Variants in PLEKHA7 observed in about 807,000 individuals in gnomAD.
PLEKHA7 encodes pleckstrin homology domain containing A7, also known as pleckstrin homology domain-containing family A member 7.
PLEKHA7 carries 104 observed loss-of-function variants against 170.0 expected under a neutral mutation model. The ratio of observed to expected loss-of-function variants is 0.61; its 90% CI spans 0.52 to 0.72. The LOEUF (loss-of-function observed/expected upper bound fraction) is 0.72, where lower values mean the gene tolerates loss of function less well. PLEKHA7 is among the 30% of genes least tolerant of loss of function. The pLI is 0.00. For synonymous variants in PLEKHA7, 648 were observed against 660.8 expected (o/e 0.98, Z 0.30); for missense variants, 1,615 against 1,671.7 (o/e 0.97, Z 0.59).
At chr11:16,960,691 G>T (rs991661124) in intron 3 of PLEKHA7, among the ~76,000 whole-genome samples, 1 of 152,110 alleles carries the variant, frequency 6.6e-6, no homozygotes, top group African/African-American at 2.4e-5. Flanking sequence ...CTCAACCCCT[G>T]GGTCCCTGCT....
chr11:16,971,362 A>AT (rs1862700420), intron 3 of PLEKHA7, among the ~76,000 whole-genome samples: 1 of 152,236 alleles, frequency 6.6e-6, no homozygotes, highest in Non-Finnish European at 1.5e-5. Context: ...TCACAGCACC[A>AT]TTTTTAATAG....
chr11:16,939,466 C>T (rs1444213281), intron 3 of PLEKHA7, among the ~76,000 whole-genome samples: 6 of 151,910 alleles, frequency 3.9e-5, no homozygotes, highest in African/African-American at 1.2e-4. Flanking sequence ...AGCTATACAA[C>T]ATAGATAAAA....
At chr11:16,968,727 A>G (rs1862529022) in intron 3 of PLEKHA7, among the ~76,000 whole-genome samples, 1 of 152,146 alleles carries the variant, frequency 6.6e-6, no homozygotes, top group Non-Finnish European at 1.5e-5. Flanking sequence ...CTCCCCCACC[A>G]CCAACAGCGC....
At chr11:16,968,338 C>A (rs1862499365) in intron 3 of PLEKHA7, among the ~76,000 whole-genome samples, 2 of 152,224 alleles carry the variant, frequency 1.3e-5, no homozygotes, top group East Asian at 3.8e-4. Flanking sequence ...CCACAGTGGG[C>A]CACATGGAAA....
Position 16,958,897 on chromosome 11 carries a change from C to G in PLEKHA7, c.221+55092G>C, listed in dbSNP as rs7123200. 9.0e-3 allele frequency among the ~76,000 whole-genome samples: 1,368 copies of G among 152,098 alleles called. 24 individuals carry two copies. Among genetic ancestry groups the G allele is most frequent in the African/African-American group, 0.031 (1,278 of 41,460 alleles). On this transcript the variant is annotated intron_variant, in intron 3 of 26. Coordinates refer to ENST00000531066, the MANE Select transcript of PLEKHA7 (RefSeq NM_001329630.2). ...TAACCCAGAAGCAGAATGGGCAGTA[C>G]CCATTGGAAAAACAGAAGTGTCAAT... is the stretch of plus-strand genomic sequence containing the variant.
chr11:16,854,336 A>G (rs2135450601), intron 6 of PLEKHA7, among the ~76,000 whole-genome samples: 1 of 152,304 alleles, frequency 6.6e-6, no homozygotes, highest in African/African-American at 2.4e-5. Flanking sequence ...ATCTGGTGAT[A>G]GTGCTGAGGT....
At chr11:16,795,851 C>CTTTTT (rs1179377641) in intron 17 of PLEKHA7, among the ~76,000 whole-genome samples, 41 of 93,072 alleles carry the variant, frequency 4.4e-4, no homozygotes, top group East Asian at 7.4e-4. Context: ...CAGTTTTTTC[C>CTTTTT]TTTTTTTTTT....
chr11:16,925,165 T>A (rs1859418658), intron 3 of PLEKHA7, among the ~76,000 whole-genome samples: 1 of 152,188 alleles, frequency 6.6e-6, no homozygotes, highest in South Asian at 2.1e-4. Context: ...CCCGCACGCC[T>A]GCGGGGCCGT....
chr11:16,847,675 C>A (rs1174377557), intron 8 of PLEKHA7, among the ~76,000 whole-genome samples: 6 of 151,800 alleles, frequency 4.0e-5, no homozygotes, highest in African/African-American at 1.4e-4. Context: ...ACTAAAAATA[C>A]AACAACAACA....
chr11:16,822,822 T>C (rs927247762), intron 10 of PLEKHA7, among the ~76,000 whole-genome samples: 1 of 152,136 alleles, frequency 6.6e-6, no homozygotes, highest in Non-Finnish European at 1.5e-5. Flanking sequence ...AAAACCCTTA[T>C]GTCCAGGCTG....
At chr11:16,919,181 T>C (rs1224524761) in intron 3 of PLEKHA7, among the ~76,000 whole-genome samples, 1 of 152,168 alleles carries the variant, frequency 6.6e-6, no homozygotes, top group Non-Finnish European at 1.5e-5. Flanking sequence ...GCCATTGCAC[T>C]CCAGCCTGGG....
Position 16,817,221 on chromosome 11 carries a change from C to G in PLEKHA7, c.1445G>C (p.Gly482Ala). ...GTTTCGGGGAGGTGGCGAGGAGCCC[C>G]CCGAGGGGTGTCGGGTGCTCTTGGG... ...TLPKSTRHPS[G>A]GSSPPPRNLP... Residue 482 changes from glycine to alanine, a missense_variant, in exon 11 of 27, where the codon GGG becomes GCG. Physicochemically the swap from Gly to Ala is moderately conservative, Grantham distance 60 (BLOSUM62 0). Coordinates refer to ENST00000531066, the MANE Select transcript of PLEKHA7 (RefSeq NM_001329630.2). The surrounding 1 kb of genome is among the most constrained non-coding windows in gnomAD (Gnocchi z 4.4). 1 of 1,613,998 alleles carries G rather than the reference C, an allele frequency of 6.2e-7. No individual in the cohort carries two copies. The highest frequency in any genetic ancestry group is 8.5e-7 in the Non-Finnish European group (1 of 1,180,010).
chr11:16,895,533 A>G (rs1169535809), intron 3 of PLEKHA7, among the ~76,000 whole-genome samples: 2 of 152,224 alleles, frequency 1.3e-5, no homozygotes, highest in Admixed American at 6.5e-5. Flanking sequence ...GGATGCAGAC[A>G]GCAGAGAGAG....
At chr11:16,785,092 A>G (rs1849307979) in intron 24 of PLEKHA7, among the ~76,000 whole-genome samples, 1 of 152,178 alleles carries the variant, frequency 6.6e-6, no homozygotes, top group African/African-American at 2.4e-5. Flanking sequence ...ACAGGCATCT[A>G]TCTTATCCAC....
intron 3 of PLEKHA7, among the ~76,000 whole-genome samples, chr11:17,003,431 T>G (rs1254455829): frequency 6.6e-6 from 1 of 152,254 alleles, no homozygotes; most frequent in South Asian, 2.1e-4. Context: ...AGAAGTCATG[T>G]CTTCACCCTG....
intron 3 of PLEKHA7, among the ~76,000 whole-genome samples, chr11:16,974,490 G>A (rs368020708): frequency 6.6e-5 from 10 of 152,042 alleles, no homozygotes; most frequent in African/African-American, 1.7e-4. Context: ...TTCTTGTTCA[G>A]AGAATTCTTG....
chr11:16,860,437 A>G (rs114785273), intron 4 of PLEKHA7, among the ~76,000 whole-genome samples: 92 of 152,300 alleles, frequency 6.0e-4, no homozygotes, highest in African/African-American at 2.1e-3. Context: ...TCAGAGCAAG[A>G]TGTCTATGAT....
chr11:16,792,967 AAAC>A (rs969500640), intron 19 of PLEKHA7, among the ~76,000 whole-genome samples: 1 of 152,186 alleles, frequency 6.6e-6, no homozygotes, highest in African/African-American at 2.4e-5. Flanking sequence ...GTAAGTAATA[AAAC>A]AAATGGTAAA....
chr11:16,854,516 G>T (rs1853263323), intron 6 of PLEKHA7, among the ~76,000 whole-genome samples: 1 of 152,186 alleles, frequency 6.6e-6, no homozygotes, highest in Admixed American at 6.5e-5. Context: ...GAGAGGAAAA[G>T]ATGAAAATTT....
Sources: allele counts gnomAD v4.1 joint callset (sites outside exome capture counted in the v4.1 genomes callset), GRCh38; gene constraint gnomAD v4.1.1; non-coding constraint Gnocchi (gnomAD v3.1); transcripts MANE v1.5; gene names NCBI Gene and HGNC (gene_info 2026-07-23, HGNC 2026-07-21).